The following MLXIPL variants were observed in gnomAD, a reference collection of about 807,000 sequenced individuals.
The protein encoded by MLXIPL is carbohydrate-responsive element-binding protein.
MLXIPL carries 49 observed loss-of-function variants against 81.5 expected under a neutral mutation model. The observed-to-expected ratio is 0.60, with a 90% CI of 0.48 to 0.76. The LOEUF (loss-of-function observed/expected upper bound fraction) is 0.76. MLXIPL is among the 30% of genes least tolerant of loss of function. The probability of loss-of-function intolerance (pLI) is 0.00; values close to 1 mark genes in which losing one functional copy is unlikely to be tolerated. For synonymous variants in MLXIPL, 466 were observed against 485.5 expected (o/e 0.96, Z 0.53); for missense variants, 1,053 against 1,167.0 (o/e 0.90, Z 1.42).
At chr7:73,600,570 T>G (rs1397489818) in intron 7 of MLXIPL, among the ~76,000 whole-genome samples, 59 of 8,498 alleles carry the variant, frequency 6.9e-3, no homozygotes, top group Admixed American at 0.019. Flanking sequence ...CCAAGTGGGG[T>G]GGGGGCAAGA....
upstream of MLXIPL, among the ~76,000 whole-genome samples, chr7:73,627,562 T>C (rs531580698): frequency 2.0e-5 from 3 of 152,218 alleles, no homozygotes; most frequent in East Asian, 5.8e-4. Flanking sequence ...AGGTGGCAGT[T>C]AACCGTCTTT....
intron 2 of MLXIPL, among the ~76,000 whole-genome samples, chr7:73,615,101 T>C (rs1795931113): frequency 6.6e-6 from 1 of 152,090 alleles, no homozygotes; most frequent in Non-Finnish European, 1.5e-5. Flanking sequence ...TGAGCCACCG[T>C]GGCCTCGTTT....
intron 7 of MLXIPL, 44 bp downstream of exon 7, chr7:73,605,644 C>T (rs782788271): frequency 8.7e-6 from 14 of 1,600,060 alleles, no homozygotes; most frequent in Admixed American, 8.3e-5. Context: ...CTTCCTCACA[C>T]AGACCCTGCC....
intron 2 of MLXIPL, chr7:73,609,554 T>TTGTGTGTGTGTGTGTGTGTGTGTGTGTG (rs34460340): frequency 2.1e-5 from 3 of 145,630 alleles, no homozygotes; most frequent in African/African-American, 7.6e-5. Flanking sequence ...CCTGGCCGCT[T>TTGTGTGTGTGTGTGTGTGTGTGTGTGTG]TGTGTGTGTG....
At chr7:73,640,436 G>A in the MLXIPL span, among the ~76,000 whole-genome samples, 1 of 150,196 alleles carries the variant, frequency 6.7e-6, no homozygotes, top group Non-Finnish European at 1.5e-5. Context: ...AAAAGAAATG[G>A]CAAAGAACCC....
At chr7:73,594,042 G>C (rs782058909) in intron 16 of MLXIPL, 59 bp from the exon 17 acceptor site, 6 of 1,501,676 alleles carry the variant, frequency 4.0e-6, no homozygotes, top group Non-Finnish European at 5.6e-6. Flanking sequence ...CCCTACCCTT[G>C]GATGTGGAAC....
intron 2 of MLXIPL, 62 bp downstream of exon 2, chr7:73,616,009 C>G: frequency 7.1e-7 from 1 of 1,415,360 alleles, no homozygotes; most frequent in South Asian, 1.2e-5. Flanking sequence ...GTAGAACCCT[C>G]TGGCAGGAGG....
upstream of MLXIPL, chr7:73,624,563 C>A: frequency 6.9e-7 from 1 of 1,455,156 alleles, no homozygotes; most frequent in Middle Eastern, 2.5e-4. Flanking sequence ...CCAGCCGGGC[C>A]TCATTAACAT....
At chr7:73,600,291 G>A (rs1554595703) in intron 7 of MLXIPL, among the ~76,000 whole-genome samples, 2 of 148,634 alleles carry the variant, frequency 1.3e-5, no homozygotes, top group Admixed American at 6.7e-5. Context: ...GGCTCCGAGT[G>A]GGGTGGGGGC....
chr7:73,618,537 C>T (rs1554601274), intron 1 of MLXIPL, among the ~76,000 whole-genome samples: 1 of 151,546 alleles, frequency 6.6e-6, no homozygotes, highest in African/African-American at 2.4e-5. Context: ...GGCCCTCTCT[C>T]CTCCCTGGTC....
Position 73,595,698 on chromosome 7 carries a change from A to C in MLXIPL, c.2249T>G (p.Met750Arg). The change falls in exon 15 of 17, where the codon ATG becomes AGG. Residue 750 changes from methionine to arginine, a missense_variant. Coordinates refer to ENST00000313375, the MANE Select transcript of MLXIPL (RefSeq NM_032951.3). ...GACGTAGTCATCAAACATGTCTCGCATCTGGTCAAAACGCTGGTGTGTGAT... is the reference window on the plus strand; with the variant it reads ...GACGTAGTCATCAAACATGTCTCGCCTCTGGTCAAAACGCTGGTGTGTGAT... ...VPITHQRFDQ[M>R]RDMFDDYVRT... 1 of 1,614,096 alleles carries C rather than the reference A, an allele frequency of 6.2e-7. No homozygotes were observed. Among genetic ancestry groups the C allele is most frequent in the Middle Eastern group, 1.6e-4 (1 of 6,062 alleles).
In MLXIPL at chr7:73,623,750, G is replaced by A. The variant is rs1162300495; in HGVS notation, c.293+450C>T. 2.0e-5 allele frequency among the ~76,000 whole-genome samples: 3 copies of A among 152,114 alleles called. No homozygotes were observed. The highest frequency in any genetic ancestry group is 4.4e-5 in the Non-Finnish European group (3 of 68,028). On this transcript the variant is annotated intron_variant, in intron 1 of 16. Coordinates refer to ENST00000313375, the MANE Select transcript of MLXIPL (RefSeq NM_032951.3). This position sits in a 1 kb window ranked among gnomAD's most constrained non-coding sequence, Gnocchi z 5.7. ...ATCTCAGGGTCCAGGAATAGGGCGG[G>A]CTTGGGCCGGGGCTGCTGGGGAGAA...
At chr7:73,637,146 T>G in the MLXIPL span, among the ~76,000 whole-genome samples, 3 of 152,016 alleles carry the variant, frequency 2.0e-5, no homozygotes, top group Non-Finnish European at 4.4e-5. Context: ...TTCTGTTGTA[T>G]TTTGCATACT....
chr7:73,640,772 A>G, the MLXIPL span, among the ~76,000 whole-genome samples: 1 of 139,044 alleles, frequency 7.2e-6, no homozygotes, highest in African/African-American at 2.7e-5. Context: ...GCGAGACTCC[A>G]TCTCAAAAAA....
intron 2 of MLXIPL, among the ~76,000 whole-genome samples, chr7:73,613,916 C>A (rs1381239900): frequency 6.6e-6 from 1 of 152,152 alleles, no homozygotes; most frequent in African/African-American, 2.4e-5. Context: ...GCGGGCAGAT[C>A]ATCTGAGGTC....
chr7:73,645,389 G>A, the MLXIPL span, among the ~76,000 whole-genome samples: 1 of 152,020 alleles, frequency 6.6e-6, no homozygotes, highest in Admixed American at 6.6e-5. Context: ...GGAATATTCT[G>A]TTCACTCTTC....
chr7:73,644,538 C>T, the MLXIPL span, among the ~76,000 whole-genome samples: 1 of 152,108 alleles, frequency 6.6e-6, no homozygotes, highest in African/African-American at 2.4e-5. Context: ...ATGGCTATGA[C>T]TATGTGATGT....
rs1554593609 is a variant in MLXIPL, at chr7:73,596,009, GCTGTACC to G, written c.2059-47_2059-41del. On this transcript the variant is annotated intron_variant, in intron 13 of 16. Transcript: ENST00000313375. The surrounding 1 kb of genome is among the most constrained non-coding windows in gnomAD (Gnocchi z 4.7). Reference sequence around the variant, plus strand: ...AGGGGGGCTCAGGCAGGTGCTAGAGGCTGTACCCTGGGACCCACTGAGGCACTGGGAT... The same window carrying G: ...AGGGGGGCTCAGGCAGGTGCTAGAGGCTGGGACCCACTGAGGCACTGGGAT... The G allele has an allele frequency of 6.2e-7, 1 of 1,609,898 alleles. No homozygotes were observed. The highest frequency in any genetic ancestry group is 8.5e-7 in the Non-Finnish European group (1 of 1,179,756).
At position 73,597,330 on chromosome 7, in the gene MLXIPL, C is replaced by G; in HGVS notation, c.1455G>C (p.Gly485=). The change falls in exon 9 of 17, where the codon GGG becomes GGC. Residue 485 remains glycine (G), a synonymous_variant. Coordinates refer to ENST00000313375, the MANE Select transcript of MLXIPL (RefSeq NM_032951.3). ...LPLGYSEPAF[G]PCFSMPRGKP... Reference sequence around the variant, plus strand: ...TGCCTCTGGGCATGGAGAAGCAAGGCCCAAAGGCAGGCTCCGAATACCCCA... The same window carrying G: ...TGCCTCTGGGCATGGAGAAGCAAGGGCCAAAGGCAGGCTCCGAATACCCCA... 2 of 1,551,378 alleles carry G rather than the reference C, an allele frequency of 1.3e-6. No individual in the cohort carries two copies. The highest frequency in any genetic ancestry group is 1.7e-6 in the Non-Finnish European group (2 of 1,148,574).
Sources: allele counts gnomAD v4.1 joint callset (sites outside exome capture counted in the v4.1 genomes callset), GRCh38; gene constraint gnomAD v4.1.1; non-coding constraint Gnocchi (gnomAD v3.1); transcripts MANE v1.5; gene names NCBI Gene and HGNC (gene_info 2026-07-23, HGNC 2026-07-21).